Variants in MRPL43 observed in about 807,000 individuals in gnomAD.
MRPL43 encodes mitochondrial ribosomal protein L43.
MRPL43 carries 9 observed loss-of-function variants against 12.7 expected under a neutral mutation model. That is an observed-to-expected ratio of 0.71 (90% CI 0.43 to 1.24). The LOEUF (loss-of-function observed/expected upper bound fraction) is 1.24, where lower values mean the gene tolerates loss of function less well. MRPL43 is among the 50% of genes most tolerant of loss of function. The pLI is 0.00. For missense variants in MRPL43, 211 were observed against 229.2 expected, an observed-to-expected ratio of 0.92 and a Z score of 0.51; for synonymous variants, 116 against 96.4, an observed-to-expected ratio of 1.20 and a Z score of -1.19.
chr10:100,980,230 C>G (rs1213885536), downstream of MRPL43: 1 of 1,614,116 alleles, frequency 6.2e-7, no homozygotes, highest in African/African-American at 1.3e-5. Context: ...GCCCGTTGTG[C>G]CCACACGTGG....
At chr10:100,982,748 C>G (rs570438253), downstream of MRPL43, among the ~76,000 whole-genome samples, 55 of 152,294 alleles carry the variant, frequency 3.6e-4, no homozygotes, top group African/African-American at 1.3e-3. Context: ...GCTGAGATCA[C>G]GTCACTGCAC....
downstream of MRPL43, chr10:100,985,292 G>A (rs987778470): frequency 2.3e-5 from 4 of 174,380 alleles, no homozygotes; most frequent in Non-Finnish European, 4.9e-5. Flanking sequence ...ACCTCACCGG[G>A]GCACTTTCAG....
Position 100,987,297 on chromosome 10 carries a change from A to G in MRPL43, c.131+16T>C. On this transcript the variant is annotated intron_variant, in intron 1 of 2. Transcript: ENST00000318364. ...CACCCACCCCGACCCGCGCCTGCGCACTTCCCTTGGCTCACCTGGCGCCGC... is the reference window on the plus strand; with the variant it reads ...CACCCACCCCGACCCGCGCCTGCGCGCTTCCCTTGGCTCACCTGGCGCCGC... The G allele has an allele frequency of 6.2e-7, 1 of 1,612,014 alleles. No homozygotes were observed. Among genetic ancestry groups the G allele is most frequent in the Admixed American group, 1.7e-5 (1 of 60,000 alleles).
At chr10:100,980,073 A>G, downstream of MRPL43, 1 of 1,613,268 alleles carries the variant, frequency 6.2e-7, no homozygotes, top group Non-Finnish European at 8.5e-7. Context: ...TGGAGAGGGC[A>G]GGCAGGTGGT....
downstream of MRPL43, chr10:100,979,949 G>C (rs1850981685): frequency 6.2e-7 from 1 of 1,614,018 alleles, no homozygotes; most frequent in African/African-American, 1.3e-5. Flanking sequence ...TCCCGGCGCT[G>C]GGGTCGCTAT....
chr10:100,981,650 C>T (rs2133891334), downstream of MRPL43: 2 of 1,367,834 alleles, frequency 1.5e-6, no homozygotes, highest in East Asian at 4.8e-5. Flanking sequence ...TCTACTGTCA[C>T]AGCATTCTTA....
chr10:100,980,385 C>G, downstream of MRPL43: 1 of 1,565,972 alleles, frequency 6.4e-7, no homozygotes, highest in Non-Finnish European at 8.8e-7. Context: ...TGGCCCTGAT[C>G]ACTAATGCTT....
At chr10:100,979,645 T>C (rs1257076332), downstream of MRPL43, among the ~76,000 whole-genome samples, 1 of 152,112 alleles carries the variant, frequency 6.6e-6, no homozygotes, top group Non-Finnish European at 1.5e-5. Flanking sequence ...CCTCTCAAAG[T>C]GCTGGCAAAG....
rs1364793017 is a variant in MRPL43, at chr10:100,987,334, C to A, written c.110G>T (p.Gly37Val). 6.2e-7 allele frequency: 1 copy of A among 1,612,428 alleles called. No homozygotes were observed. The highest frequency in any genetic ancestry group is 8.5e-7 in the Non-Finnish European group (1 of 1,179,824). ...QRLSFSVSRDGASSRGAREFV... is the reference protein window; with the variant it reads ...QRLSFSVSRDVASSRGAREFV... Reference sequence around the variant, plus strand: ...TCACCTGGCGCCGCGAGACGAGGCGCCGTCGCGGCTGACGCTGAAGCTCAG... The same window carrying A: ...TCACCTGGCGCCGCGAGACGAGGCGACGTCGCGGCTGACGCTGAAGCTCAG... Residue 37 changes from glycine (G) to valine (V), a missense_variant, in exon 1 of 3, where the codon GGC (glycine) becomes GTC (valine). Gly to Val is a moderately radical substitution (Grantham distance 109). Transcript: ENST00000318364.
At chr10:100,978,514 A>G (rs2133874745), downstream of MRPL43, 1 of 1,611,972 alleles carries the variant, frequency 6.2e-7, no homozygotes, top group Non-Finnish European at 8.5e-7. Flanking sequence ...TGCCTGGAAT[A>G]TCCCCACGCC....
At position 100,986,917 on chromosome 10, in the gene MRPL43, C is replaced by T; in HGVS notation, c.297G>A (p.Thr99=). The T allele has an allele frequency of 6.2e-7, 1 of 1,611,154 alleles. No homozygotes were observed. The part of the protein sequence containing the change: ...IHCKSVEEIS[T]LVQKLADQSG... ...ACTGGTCGGCCAGCTTCTGCACCAG[C>T]GTCGAGATCTCCTCGACCGACTTGC... The change falls in exon 3 of 3, where the codon ACG becomes ACA. Residue 99 remains threonine, a synonymous_variant. Coordinates refer to ENST00000318364, the MANE Select transcript of MRPL43 (RefSeq NM_032112.3).
At chr10:100,980,429 G>A (rs1564797081), downstream of MRPL43, 4 of 1,432,684 alleles carry the variant, frequency 2.8e-6, no homozygotes, top group Non-Finnish European at 3.9e-6. Context: ...GACTAGTCTG[G>A]AGTTCCCAGT....
At chr10:100,982,150 C>G (rs1258529993), downstream of MRPL43, among the ~76,000 whole-genome samples, 1 of 151,564 alleles carries the variant, frequency 6.6e-6, no homozygotes, top group East Asian at 1.9e-4. Flanking sequence ...CTATACTATG[C>G]TATCTCCCAC....
At chr10:100,987,014 G>GC (rs763695146) in intron 2 of MRPL43, 39 bp from the exon 3 acceptor site, 5 of 1,605,268 alleles carry the variant, frequency 3.1e-6, no homozygotes, top group Non-Finnish European at 4.2e-6. Flanking sequence ...AAGCTGGCCG[G>GC]TGCGACCAAG....
chr10:100,983,341 G>A (rs753257306), downstream of MRPL43: 45 of 1,589,952 alleles, frequency 2.8e-5, no homozygotes, highest in African/African-American at 3.1e-4. Flanking sequence ...TCTGTGCTCC[G>A]GGGTGATGAT....
downstream of MRPL43, among the ~76,000 whole-genome samples, chr10:100,982,818 G>A (rs556485765): frequency 6.2e-4 from 94 of 152,252 alleles, no homozygotes; most frequent in Middle Eastern, 3.4e-3. Context: ...ACAAAAAGGC[G>A]AGCAAGAAAG....
downstream of MRPL43, chr10:100,980,507 T>C: frequency 7.0e-7 from 1 of 1,431,946 alleles, no homozygotes; most frequent in South Asian, 1.2e-5. Flanking sequence ...GCTGTTCGTA[T>C]TAGGCCTCTT....
chr10:100,984,619 T>C (rs11190780), downstream of MRPL43: 168,140 of 1,536,230 alleles, frequency 0.11, 9,824 homozygotes, highest in Non-Finnish European at 0.12. Flanking sequence ...CATGCACACA[T>C]GGAAGAATGT....
downstream of MRPL43, among the ~76,000 whole-genome samples, chr10:100,982,154 C>T (rs1215409626): frequency 6.6e-6 from 1 of 151,576 alleles, no homozygotes; most frequent in Non-Finnish European, 1.5e-5. Flanking sequence ...ACTATGCTAT[C>T]TCCCACAAGT....
Sources: allele counts gnomAD v4.1 joint callset (sites outside exome capture counted in the v4.1 genomes callset), GRCh38; gene constraint gnomAD v4.1.1; transcripts MANE v1.5; gene names NCBI Gene and HGNC (gene_info 2026-07-23, HGNC 2026-07-21).